The following LRMDA variants were observed in gnomAD, a reference collection of about 807,000 sequenced individuals.
LRMDA encodes leucine rich melanocyte differentiation associated.
LRMDA carries 18 observed loss-of-function variants against 29.8 expected under a neutral mutation model. The observed-to-expected ratio is 0.60, with a 90% confidence interval of 0.42 to 0.90. The LOEUF (loss-of-function observed/expected upper bound fraction) is 0.90. Ranked by LOEUF, LRMDA falls within the 40% of genes least tolerant of loss-of-function variation. LRMDA has a pLI of 0.00. For synonymous variants in LRMDA, 125 were observed against 109.4 expected, an observed-to-expected ratio of 1.14 and a Z score of -0.89; for missense variants, 273 against 273.9, an observed-to-expected ratio of 1.00 and a Z score of 0.02.
chr10:75,929,875 T>C (rs185508644), intron 2 of LRMDA, among the ~76,000 whole-genome samples: 2 of 152,340 alleles, frequency 1.3e-5, no homozygotes, highest in East Asian at 1.9e-4. Context: ...AAAACTTCTT[T>C]TGTGACAGAG....
intron 5 of LRMDA, among the ~76,000 whole-genome samples, chr10:76,300,966 TC>T (rs2132361030): frequency 1.3e-5 from 2 of 152,328 alleles, no homozygotes; most frequent in East Asian, 3.9e-4. Context: ...ACCATTAGGC[TC>T]CTTCCCTTAG....
chr10:75,521,080 C>T (rs929516454), intron 2 of LRMDA, among the ~76,000 whole-genome samples: 5 of 152,166 alleles, frequency 3.3e-5, no homozygotes, highest in Admixed American at 6.5e-5. Flanking sequence ...CTGGAAGCTT[C>T]GTCCCAGAGG....
chr10:75,909,526 A>G (rs567600188), intron 2 of LRMDA, among the ~76,000 whole-genome samples: 65 of 149,448 alleles, frequency 4.3e-4, no homozygotes, highest in Non-Finnish European at 8.5e-4. Context: ...TTTTTTTTTT[A>G]TTCTGTAAGT....
intron 2 of LRMDA, among the ~76,000 whole-genome samples, chr10:75,663,516 C>T (rs1470922743): frequency 1.3e-5 from 2 of 152,188 alleles, no homozygotes; most frequent in African/African-American, 4.8e-5. Flanking sequence ...CCATTTCATT[C>T]TCCAGCTTCT....
intron 6 of LRMDA, among the ~76,000 whole-genome samples, chr10:76,540,771 AT>A (rs1195586172): frequency 3.9e-5 from 6 of 152,194 alleles, no homozygotes; most frequent in African/African-American, 1.4e-4. Flanking sequence ...CAGAATGAGC[AT>A]GTGTATTTGT....
intron 2 of LRMDA, among the ~76,000 whole-genome samples, chr10:75,470,527 C>T (rs776839593): frequency 2.0e-5 from 3 of 152,184 alleles, no homozygotes; most frequent in East Asian, 1.9e-4. Flanking sequence ...AGCCGAAGGA[C>T]GGAAATGCGT....
chr10:75,916,884 T>A (rs1845943755), intron 2 of LRMDA, among the ~76,000 whole-genome samples: 1 of 152,218 alleles, frequency 6.6e-6, no homozygotes, highest in Non-Finnish European at 1.5e-5. Context: ...TAATATGTTG[T>A]CTGTGAATCT....
chr10:76,467,152 T>C (rs532054673), intron 6 of LRMDA, among the ~76,000 whole-genome samples: 100 of 152,326 alleles, frequency 6.6e-4, no homozygotes, highest in African/African-American at 2.2e-3. Flanking sequence ...TTTTTCAGGA[T>C]AAAAACTCAC....
chr10:75,447,720 C>T (rs549281672), intron 2 of LRMDA, among the ~76,000 whole-genome samples: 1 of 152,194 alleles, frequency 6.6e-6, no homozygotes, highest in East Asian at 1.9e-4. Context: ...CATAGCAAGA[C>T]CCCATCTCTA....
chr10:75,792,207 T>C (rs1843579773), intron 2 of LRMDA, among the ~76,000 whole-genome samples: 1 of 152,108 alleles, frequency 6.6e-6, no homozygotes, highest in Non-Finnish European at 1.5e-5. Context: ...TGCTATTGCC[T>C]AAATGACTAT....
intron 5 of LRMDA, among the ~76,000 whole-genome samples, chr10:76,163,167 C>T (rs1850678430): frequency 6.6e-6 from 1 of 152,130 alleles, no homozygotes; most frequent in Non-Finnish European, 1.5e-5. Context: ...ACAGTTGCAG[C>T]TTTGTTCTCT....
intron 2 of LRMDA, among the ~76,000 whole-genome samples, chr10:75,602,938 C>T (rs1005532463): frequency 3.2e-4 from 48 of 152,306 alleles, no homozygotes; most frequent in Admixed American, 5.2e-4. Flanking sequence ...CCCTGTCCCT[C>T]CTCATACTTC....
At chr10:76,236,499 T>C (rs1476146396) in intron 5 of LRMDA, among the ~76,000 whole-genome samples, 1 of 152,210 alleles carries the variant, frequency 6.6e-6, no homozygotes. Context: ...TGAGAATGGT[T>C]TCTTCATCTC....
chr10:75,932,756 A>G (rs1846227566), intron 2 of LRMDA, among the ~76,000 whole-genome samples: 1 of 152,200 alleles, frequency 6.6e-6, no homozygotes, highest in Non-Finnish European at 1.5e-5. Context: ...AAAGGCTAGT[A>G]GTTATCACTT....
At chr10:76,278,421 CTG>C (rs896378077) in intron 5 of LRMDA, among the ~76,000 whole-genome samples, 1 of 152,176 alleles carries the variant, frequency 6.6e-6, no homozygotes, top group African/African-American at 2.4e-5. Flanking sequence ...GCATGTAAAA[CTG>C]TGATATTATC....
chr10:76,330,582 C>T (rs1262018699), intron 6 of LRMDA, among the ~76,000 whole-genome samples: 1 of 152,102 alleles, frequency 6.6e-6, no homozygotes, highest in African/African-American at 2.4e-5. Context: ...AAGAGGAATT[C>T]TGGTTTCTAT....
chr10:75,611,744 A>G (rs1841034888), intron 2 of LRMDA, among the ~76,000 whole-genome samples: 1 of 152,140 alleles, frequency 6.6e-6, no homozygotes, highest in Non-Finnish European at 1.5e-5. Context: ...GGGTGGATGT[A>G]ACCCCTGGCC....
intron 2 of LRMDA, among the ~76,000 whole-genome samples, chr10:75,672,553 C>T (rs181666540): frequency 0.094 from 1,331 of 14,196 alleles, 316 homozygotes; most frequent in East Asian, 0.35. Context: ...CCCCTCCCCT[C>T]CCCTCCCCTC....
intron 6 of LRMDA, among the ~76,000 whole-genome samples, chr10:76,401,972 A>G (rs1841853804): frequency 1.3e-5 from 2 of 152,086 alleles, no homozygotes; most frequent in African/African-American, 4.8e-5. Flanking sequence ...GAAACAGCAA[A>G]CAACAGACAA....
Sources: gnomAD v4.1 joint callset for allele counts (sites outside exome capture counted in the v4.1 genomes callset) on GRCh38, gnomAD v4.1.1 for gene constraint, MANE v1.5 for transcripts, NCBI Gene and HGNC (gene_info 2026-07-23, HGNC 2026-07-21) for gene names.